EIF4E: variants seen among roughly 807,000 people sequenced by gnomAD.
The protein encoded by EIF4E is eukaryotic translation initiation factor 4E.
For missense variants in EIF4E, 113 were observed against 265.6 expected (o/e 0.43, Z 3.99); for synonymous variants, 71 against 88.5 (o/e 0.80, Z 1.11).
At position 98,923,094 on chromosome 4, in the gene EIF4E, G is replaced by A. The variant is rs546607993; in HGVS notation, c.18+6001C>T. 2.3e-3 allele frequency among the ~76,000 whole-genome samples: 347 copies of A among 150,568 alleles called. 3 individuals carry two copies. Among genetic ancestry groups the A allele is most frequent in the Admixed American group, 6.3e-3 (95 of 15,148 alleles). The stretch of plus-strand genomic sequence containing the variant: ...TCGAACTCCCGACCTCAGGTGATCC[G>A]CCCACCTCAGCCTCCCAAAGTGTCG... On this transcript the variant is annotated intron_variant, in intron 1 of 6. Coordinates refer to ENST00000450253, the MANE Select transcript of EIF4E (RefSeq NM_001968.5).
rs1296318342 is a variant in EIF4E at position 98,887,564 on chromosome 4, T to C, written c.285+325A>G. On this transcript the variant is annotated intron_variant, in intron 4 of 6. Transcript: ENST00000450253. This position sits in a 1 kb window ranked among gnomAD's most constrained non-coding sequence, Gnocchi z 4.0. ...CCCTCTACCAACTGACAAAGCCCAATAATAAGTATTCCAAGGACCCATGCT... is the reference window on the plus strand; with the variant it reads ...CCCTCTACCAACTGACAAAGCCCAACAATAAGTATTCCAAGGACCCATGCT... 1.3e-5 allele frequency among the ~76,000 whole-genome samples: 2 copies of C among 152,134 alleles called. No homozygotes were observed. Among genetic ancestry groups the C allele is most frequent in the Non-Finnish European group, 2.9e-5 (2 of 68,014 alleles).
chr4:98,919,945 AATTT>A (rs1200502263), intron 1 of EIF4E, among the ~76,000 whole-genome samples: 1 of 152,196 alleles, frequency 6.6e-6, no homozygotes, highest in African/African-American at 2.4e-5. Context: ...TAAAGTTTAA[AATTT>A]ATTTCCTTGG....
In EIF4E at chr4:98,904,635, G is replaced by T. The variant is rs576106032; in HGVS notation, c.19-2653C>A. The stretch of plus-strand genomic sequence containing the variant: ...AAAATGCAAAAATTAGCTGGGCGTG[G>T]TAGCACGCGCCTGTAATCCCAGCTA... On this transcript the variant is annotated intron_variant, in intron 1 of 6. Transcript: ENST00000450253. 4.6e-5 allele frequency among the ~76,000 whole-genome samples: 7 copies of T among 152,242 alleles called. No individual in the cohort carries two copies. The East Asian group carries it at 1.4e-3, about 29-fold the overall frequency.
At chr4:98,895,301 G>GCACAGTAT (rs1267502554) in intron 2 of EIF4E, 1 of 152,196 alleles carries the variant, frequency 6.6e-6, no homozygotes, top group East Asian at 1.9e-4. Flanking sequence ...GATTTGTGAA[G>GCACAGTAT]CACAGTAAAA....
intron 3 of EIF4E, chr4:98,890,922 G>A (rs1030958374): frequency 2.6e-6 from 1 of 383,400 alleles, no homozygotes; most frequent in African/African-American, 2.1e-5. Flanking sequence ...CCAGTTATGA[G>A]GCAAATGTAT....
intron 1 of EIF4E, among the ~76,000 whole-genome samples, chr4:98,917,074 C>T (rs1219530140): frequency 6.4e-5 from 9 of 139,966 alleles, no homozygotes; most frequent in African/African-American, 2.4e-4. Flanking sequence ...TATTATTCTA[C>T]CTTTTCTAAA....
intron 1 of EIF4E, among the ~76,000 whole-genome samples, chr4:98,917,107 CACACACACACACACACACACACACACAA>C (rs1560652521): frequency 1.3e-5 from 1 of 76,698 alleles, no homozygotes. Flanking sequence ...CACACACACA[CACACACACACACACACACACACACACAA>C]AAAAAACCCA....
chr4:98,916,255 C>A (rs1579180692), intron 1 of EIF4E, among the ~76,000 whole-genome samples: 1 of 98,450 alleles, frequency 1.0e-5, no homozygotes, highest in Non-Finnish European at 1.9e-5. Flanking sequence ...ATAACAATTA[C>A]AGGAAGCTAT....
At chr4:98,885,784 A>C (rs1395513388) in intron 5 of EIF4E, among the ~76,000 whole-genome samples, 1 of 152,146 alleles carries the variant, frequency 6.6e-6, no homozygotes, top group Non-Finnish European at 1.5e-5. Context: ...AAATAACATA[A>C]AATTTACCAT....
chr4:98,911,853 A>G (rs1396479961), intron 1 of EIF4E, among the ~76,000 whole-genome samples: 1 of 150,934 alleles, frequency 6.6e-6, no homozygotes, highest in Non-Finnish European at 1.5e-5. Flanking sequence ...ACACAGACAC[A>G]AGAAATAACA....
At chr4:98,890,486 T>C (rs957931807) in intron 3 of EIF4E, among the ~76,000 whole-genome samples, 5 of 152,206 alleles carry the variant, frequency 3.3e-5, no homozygotes, top group Non-Finnish European at 4.4e-5. Context: ...CTTCTTGAAA[T>C]AGACTTTACA....
At chr4:98,891,461 T>A (rs984394531) in intron 2 of EIF4E, 129 bp from the exon 3 acceptor site, 39 of 751,652 alleles carry the variant, frequency 5.2e-5, no homozygotes, top group Non-Finnish European at 8.5e-5. Flanking sequence ...AATGTATATA[T>A]ACACACAATG....
intron 1 of EIF4E, among the ~76,000 whole-genome samples, chr4:98,923,960 G>T (rs1725762659): frequency 6.6e-6 from 1 of 152,090 alleles, no homozygotes; most frequent in Non-Finnish European, 1.5e-5. Context: ...CAGTCTTCAA[G>T]ATCACTCAGA....
At chr4:98,920,196 T>C (rs1560654680) in intron 1 of EIF4E, among the ~76,000 whole-genome samples, 1 of 152,246 alleles carries the variant, frequency 6.6e-6, no homozygotes, top group African/African-American at 2.4e-5. Context: ...TGCCAGATAA[T>C]GTCCTTAATA....
Position 98,881,020 on chromosome 4 carries a change from G to A in EIF4E, c.*8C>T, listed in dbSNP as rs1415565997. ...AGTCTCCTATGAGAATACTCAGAAGGTGTCTTCTTAAACAACAAACCTATT... is the reference window on the plus strand; with the variant it reads ...AGTCTCCTATGAGAATACTCAGAAGATGTCTTCTTAAACAACAAACCTATT... On this transcript the variant is annotated 3_prime_UTR_variant, in exon 7 of 7. Coordinates refer to ENST00000450253, the MANE Select transcript of EIF4E (RefSeq NM_001968.5). 2 of 1,606,952 alleles carry A rather than the reference G, an allele frequency of 1.2e-6. No individual in the cohort carries two copies. Among genetic ancestry groups the A allele is most frequent in the East Asian group, 2.2e-5 (1 of 44,794 alleles).
At position 98,880,432 on chromosome 4, in the gene EIF4E, T is replaced by C. The variant is rs1297351080; in HGVS notation, c.*596A>G. ...GTCATATTCCTGGATCCTTCACCAA[T>C]GTTACATGAGGAAAAAAACAAAAGC... On this transcript the variant is annotated 3_prime_UTR_variant, in exon 7 of 7. Coordinates refer to ENST00000450253, the MANE Select transcript of EIF4E (RefSeq NM_001968.5). The C allele has an allele frequency of 3.6e-5, 3 of 83,080 alleles. No individual in the cohort carries two copies. The highest frequency in any genetic ancestry group is 7.1e-5 in the Non-Finnish European group (3 of 42,020). The allele number at this position is 83,080 out of a possible 1,614,324, so 5.1% of individuals were successfully genotyped here. A position where few individuals can be genotyped will look rare whatever the true frequency, so the allele number is the denominator to read the frequency against.
At chr4:98,920,595 T>G (rs1047651512) in intron 1 of EIF4E, among the ~76,000 whole-genome samples, 7 of 152,090 alleles carry the variant, frequency 4.6e-5, no homozygotes, top group African/African-American at 1.7e-4. Context: ...GTGCCTGGCC[T>G]GCATTTTAAA....
intron 1 of EIF4E, chr4:98,926,138 C>G (rs1725855889): frequency 6.6e-6 from 1 of 152,304 alleles, no homozygotes; most frequent in African/African-American, 2.4e-5. Flanking sequence ...TGCACTCCAG[C>G]CCCAGCAACA....
intron 1 of EIF4E, among the ~76,000 whole-genome samples, chr4:98,917,005 A>G (rs376535528): frequency 6.6e-6 from 1 of 151,544 alleles, no homozygotes; most frequent in African/African-American, 2.4e-5. Flanking sequence ...AATGTGATTC[A>G]GGTGAATGTG....
Sources: gnomAD v4.1 joint callset for allele counts (sites outside exome capture counted in the v4.1 genomes callset) on GRCh38, gnomAD v4.1.1 for gene constraint, Gnocchi (gnomAD v3.1) non-coding constraint, MANE v1.5 for transcripts, NCBI Gene and HGNC (gene_info 2026-07-23, HGNC 2026-07-21) for gene names.